AHCY: variants seen among roughly 807,000 people sequenced by gnomAD.
AHCY encodes the protein adenosylhomocysteinase.
In AHCY, 24 loss-of-function variants were observed where a neutral mutation model predicts 45.4. The ratio of observed to expected loss-of-function variants is 0.53; its 90% CI spans 0.38 to 0.74. The LOEUF (loss-of-function observed/expected upper bound fraction) is 0.74. Among genes scored for constraint, AHCY ranks in the 30% least tolerant of loss-of-function variants. The pLI, the probability that AHCY is intolerant of heterozygous loss-of-function variation, is 0.00. For synonymous variants in AHCY, 245 were observed against 235.1 expected (o/e 1.04, Z -0.39); for missense variants, 449 against 594.1 (o/e 0.76, Z 2.54).
chr20:34,304,365 T>G (rs747123363), upstream of AHCY, among the ~76,000 whole-genome samples: 3 of 152,236 alleles, frequency 2.0e-5, no homozygotes, highest in Non-Finnish European at 2.9e-5. Flanking sequence ...TCATATAAAA[T>G]GAGGCAGTAT....
chr20:34,256,176 G>A, the AHCY span, among the ~76,000 whole-genome samples: 3 of 152,230 alleles, frequency 2.0e-5, no homozygotes, highest in Admixed American at 6.5e-5. Flanking sequence ...TGCCAAACAG[G>A]GAAGGGCCTC....
chr20:34,295,690 G>A, intron 1 of AHCY, 105 bp from the exon 2 acceptor site: 1 of 1,172,232 alleles, frequency 8.5e-7, no homozygotes, highest in Non-Finnish European at 1.2e-6. Context: ...CAACACACTA[G>A]GGCTTAGCAC....
At chr20:34,310,304 C>T (rs918338616) in intron 1 of AHCY, among the ~76,000 whole-genome samples, 7 of 152,192 alleles carry the variant, frequency 4.6e-5, no homozygotes, top group African/African-American at 1.2e-4. Context: ...CGTGATCCAC[C>T]TGCCTTGGCC....
intron 8 of AHCY, among the ~76,000 whole-genome samples, chr20:34,288,062 C>G (rs1280958586): frequency 6.6e-6 from 1 of 152,180 alleles, no homozygotes. Flanking sequence ...GCCCTGGCCA[C>G]CCCCACACTG....
chr20:34,237,844 TG>T, the AHCY span, among the ~76,000 whole-genome samples: 1 of 152,106 alleles, frequency 6.6e-6, no homozygotes, highest in Non-Finnish European at 1.5e-5. Flanking sequence ...GTTTGTGGAG[TG>T]TTTTTTTTTA....
intron 8 of AHCY, among the ~76,000 whole-genome samples, chr20:34,287,936 G>T (rs2036241709): frequency 6.6e-6 from 1 of 152,210 alleles, no homozygotes; most frequent in Non-Finnish European, 1.5e-5. Flanking sequence ...AGCTTTGGAG[G>T]GCAGCTTGGC....
chr20:34,288,030 G>A (rs534577099), intron 8 of AHCY, among the ~76,000 whole-genome samples: 2 of 152,326 alleles, frequency 1.3e-5, no homozygotes, highest in South Asian at 4.1e-4. Flanking sequence ...GGCTGTCAGG[G>A]GTGTGGCTGC....
At chr20:34,279,581 A>C (rs1200512442), downstream of AHCY, among the ~76,000 whole-genome samples, 2 of 152,170 alleles carry the variant, frequency 1.3e-5, no homozygotes, top group Non-Finnish European at 2.9e-5. Flanking sequence ...AAGTCTGTAC[A>C]CTATTTACAG....
In AHCY at chr20:34,303,008, GCGGCCC is replaced by G. The variant is rs1568817434; in HGVS notation, c.28+229_28+234del. The G allele has an allele frequency of 3.2e-5, 32 of 985,460 alleles. No individual in the cohort carries two copies. The South Asian group carries it at 1.3e-3, about 40-fold the overall frequency. 61.0% of individuals were successfully genotyped at this position (985,460 alleles called of 1,614,324 possible). On this transcript the variant is annotated intron_variant, in intron 1 of 9. Transcript: ENST00000217426. Reference sequence around the variant, plus strand: ...CAGTTTGCGGCTCGCAGACCGCGCGGCGGCCCCGGCGTCGCGGGGCATGCTGGGACT... The same window carrying G: ...CAGTTTGCGGCTCGCAGACCGCGCGGCGGCGTCGCGGGGCATGCTGGGACT...
At chr20:34,254,408 T>A in the AHCY span, among the ~76,000 whole-genome samples, 1 of 152,210 alleles carries the variant, frequency 6.6e-6, no homozygotes, top group Admixed American at 6.5e-5. Context: ...GTTTCTCTAA[T>A]GAGTAATAAC....
Position 34,281,284 on chromosome 20 carries a change from T to C in AHCY, c.1168-119A>G. 3 of 1,467,178 alleles carry C rather than the reference T, an allele frequency of 2.0e-6. No homozygotes were observed. In the South Asian group the frequency reaches 3.5e-5, roughly 17 times the overall value. The allele number at this position is 1,467,178 out of a possible 1,614,324, so 90.9% of individuals were successfully genotyped here. A position where few individuals can be genotyped will look rare whatever the true frequency, so the allele number is the denominator to read the frequency against. Reference sequence around the variant, plus strand: ...GGGTTTCTGCCATGTGTGGTACTCATGTTAACTCTTTCTATCCTCACACCC... The same window carrying C: ...GGGTTTCTGCCATGTGTGGTACTCACGTTAACTCTTTCTATCCTCACACCC... On this transcript the variant is annotated intron_variant, in intron 9 of 9. Coordinates refer to ENST00000217426, the MANE Select transcript of AHCY (RefSeq NM_000687.4).
intron 1 of AHCY, among the ~76,000 whole-genome samples, chr20:34,299,692 T>C (rs2036705430): frequency 6.6e-6 from 1 of 152,222 alleles, no homozygotes. Context: ...GGAGTCCTCA[T>C]GGCTCCTTTG....
At chr20:34,281,233 C>G in intron 9 of AHCY, 68 bp from the exon 10 acceptor site, 1 of 1,599,758 alleles carries the variant, frequency 6.3e-7, no homozygotes, top group South Asian at 1.1e-5. Context: ...CGTCTGGCTG[C>G]CAATAGAGGC....
At chr20:34,286,539 TGAG>T (rs2036190831) in intron 8 of AHCY, 1 of 151,952 alleles carries the variant, frequency 6.6e-6, no homozygotes, top group Admixed American at 6.6e-5. Context: ...CTTTAAAAAA[TGAG>T]GATACCCAGG....
rs1313341558 is a variant in AHCY, at chr20:34,309,684, G to C, written c.-57+1788C>G. ...TAATCCCAGCTACTTGGGAGGCTGA[G>C]GCAGGAGAATCGCTTGAACCCAGGA... is the stretch of plus-strand genomic sequence containing the variant. On this transcript the variant is annotated intron_variant, in intron 1 of 9. Transcript: ENST00000538132. Among the ~76,000 whole-genome samples, 4 of 152,274 alleles carry C rather than the reference G, an allele frequency of 2.6e-5. No homozygotes were observed. In the East Asian group the frequency reaches 7.7e-4, roughly 29 times the overall value.
rs1255261120 is a variant in AHCY, at chr20:34,303,347, C to G, written c.-77G>C. 2.6e-5 allele frequency: 40 copies of G among 1,542,962 alleles called. No homozygotes were observed. The highest frequency in any genetic ancestry group is 3.9e-5 in the Admixed American group (2 of 50,988). On this transcript the variant is annotated 5_prime_UTR_variant, in exon 1 of 10. Coordinates refer to ENST00000217426, the MANE Select transcript of AHCY (RefSeq NM_000687.4). The stretch of plus-strand genomic sequence containing the variant: ...GGAACAGGAACTGGGCGGGCAGCGC[C>G]GAGCAGGGATATGCGCGTGGCGCCG...
downstream of AHCY, among the ~76,000 whole-genome samples, chr20:34,279,282 G>T (rs542914460): frequency 6.6e-6 from 1 of 151,558 alleles, no homozygotes; most frequent in Admixed American, 6.6e-5. Flanking sequence ...TTTGCCGGGC[G>T]TGGTGGCGGG....
the AHCY span, among the ~76,000 whole-genome samples, chr20:34,233,492 G>A: frequency 6.6e-6 from 1 of 152,126 alleles, no homozygotes; most frequent in Non-Finnish European, 1.5e-5. Context: ...AAGGAAGCCA[G>A]CCACAAAGAC....
In AHCY at chr20:34,280,862, T is replaced by C. The variant is rs148140437; in HGVS notation, c.*172A>G. The C allele has an allele frequency of 1.0e-6, 1 of 995,548 alleles. No homozygotes were observed. Among genetic ancestry groups the C allele is most frequent in the East Asian group, 2.6e-5 (1 of 37,762 alleles). The allele number at this position is 995,548 out of a possible 1,614,324, so 61.7% of individuals were successfully genotyped here. ...AGGGTACTCTGTTCCCGCTGCCACA[T>C]TTGGAACAGTATGACGGCTGCAGCA... On this transcript the variant is annotated 3_prime_UTR_variant, in exon 10 of 10. Transcript: ENST00000217426.
Sources: gnomAD v4.1 joint callset for allele counts (sites outside exome capture counted in the v4.1 genomes callset) on GRCh38, gnomAD v4.1.1 for gene constraint, MANE v1.5 for transcripts, NCBI Gene and HGNC (gene_info 2026-07-23, HGNC 2026-07-21) for gene names.